Variants in ST8SIA6 observed in about 807,000 individuals in gnomAD.
ST8SIA6 encodes the protein alpha-2,8-sialyltransferase 8F.
In ST8SIA6, 39 loss-of-function variants were observed where a neutral mutation model predicts 33.6. That is an observed-to-expected ratio of 1.16 (90% CI 0.90 to 1.52). The LOEUF is 1.52. Ranked by LOEUF, ST8SIA6 falls within the 40% of genes most tolerant of loss-of-function variation. ST8SIA6 has a pLI of 0.00. For missense variants in ST8SIA6, 441 were observed against 443.8 expected, an observed-to-expected ratio of 0.99 and a Z score of 0.06; for synonymous variants, 172 against 167.2, an observed-to-expected ratio of 1.03 and a Z score of -0.22.
chr10:17,425,166 T>C (rs1053534291), intron 2 of ST8SIA6, among the ~76,000 whole-genome samples: 3 of 152,050 alleles, frequency 2.0e-5, no homozygotes, highest in Admixed American at 6.6e-5. Flanking sequence ...TATACGTATA[T>C]TTTATATATA....
rs898218561 is a variant in ST8SIA6, at chr10:17,316,585, T to G, written c.*4293A>C. ...ATGAATTTTACTAACTCAGTACTCCTAGGTTGCTTTCCAAAATGATTCAAT... is the reference window on the plus strand; with the variant it reads ...ATGAATTTTACTAACTCAGTACTCCGAGGTTGCTTTCCAAAATGATTCAAT... On this transcript the variant is annotated 3_prime_UTR_variant, in exon 8 of 8. Transcript: ENST00000377602. Among the ~76,000 whole-genome samples, 6 of 152,156 alleles carry G rather than the reference T, an allele frequency of 3.9e-5. No individual in the cohort carries two copies. Among genetic ancestry groups the G allele is most frequent in the African/African-American group, 1.4e-4 (6 of 41,468 alleles).
chr10:17,388,345 G>C (rs771639497), intron 3 of ST8SIA6, among the ~76,000 whole-genome samples: 2 of 152,084 alleles, frequency 1.3e-5, no homozygotes, highest in East Asian at 1.9e-4. Flanking sequence ...AGCAAATATC[G>C]TTAGTCTATT....
intron 5 of ST8SIA6, among the ~76,000 whole-genome samples, chr10:17,327,376 G>A (rs190101655): frequency 1.9e-4 from 29 of 152,092 alleles, no homozygotes; most frequent in Non-Finnish European, 3.4e-4. Flanking sequence ...CACAAGGTCA[G>A]GAGTTCAACA....
intron 2 of ST8SIA6, among the ~76,000 whole-genome samples, chr10:17,422,887 C>T (rs751090778): frequency 3.9e-5 from 6 of 151,986 alleles, no homozygotes; most frequent in Non-Finnish European, 8.8e-5. Context: ...GATAGAGAAG[C>T]GAATGATAGA....
Position 17,316,653 on chromosome 10 carries a change from T to G in ST8SIA6, c.*4225A>C, listed in dbSNP as rs1356506561. Among the ~76,000 whole-genome samples, 1 of 152,184 alleles carries G rather than the reference T, an allele frequency of 6.6e-6. No homozygotes were observed. Among genetic ancestry groups the G allele is most frequent in the Non-Finnish European group, 1.5e-5 (1 of 67,994 alleles). ...CTTGAAGTTAATGACCTTACTCATT[T>G]TTACCAATGCAATGGATGTAGTATC... On this transcript the variant is annotated 3_prime_UTR_variant, in exon 8 of 8. Transcript: ENST00000377602.
chr10:17,449,013 C>T (rs961968735), intron 2 of ST8SIA6, among the ~76,000 whole-genome samples: 4 of 150,976 alleles, frequency 2.6e-5, no homozygotes, highest in Admixed American at 6.6e-5. Flanking sequence ...AAGTCTTCAC[C>T]TAAATGACTC....
intron 2 of ST8SIA6, among the ~76,000 whole-genome samples, chr10:17,402,133 C>A (rs1290889123): frequency 6.6e-6 from 1 of 152,124 alleles, no homozygotes; most frequent in Non-Finnish European, 1.5e-5. Flanking sequence ...TGAACAGACA[C>A]TTCTCAAAAG....
At chr10:17,450,571 G>T (rs1175061953) in intron 2 of ST8SIA6, among the ~76,000 whole-genome samples, 1 of 152,122 alleles carries the variant, frequency 6.6e-6, no homozygotes, top group East Asian at 1.9e-4. Flanking sequence ...CTCCTGAGTA[G>T]CTGGGACTAC....
chr10:17,410,856 A>G (rs976847873), intron 2 of ST8SIA6, among the ~76,000 whole-genome samples: 1 of 152,220 alleles, frequency 6.6e-6, no homozygotes, highest in Non-Finnish European at 1.5e-5. Flanking sequence ...ATTTTACCAT[A>G]TTTAAAATGA....
chr10:17,389,230 G>A (rs1554795329), intron 3 of ST8SIA6, among the ~76,000 whole-genome samples: 4 of 152,138 alleles, frequency 2.6e-5, no homozygotes, highest in Non-Finnish European at 5.9e-5. Flanking sequence ...ACTGATTTGA[G>A]TAATAAAACT....
chr10:17,365,665 G>A (rs1443034842), intron 3 of ST8SIA6, among the ~76,000 whole-genome samples: 1 of 152,178 alleles, frequency 6.6e-6, no homozygotes, highest in Non-Finnish European at 1.5e-5. Context: ...TATACATAGG[G>A]TTCTGCATTA....
intron 3 of ST8SIA6, among the ~76,000 whole-genome samples, chr10:17,377,805 G>A (rs1398493100): frequency 6.6e-6 from 1 of 152,146 alleles, no homozygotes; most frequent in Non-Finnish European, 1.5e-5. Flanking sequence ...GACAAAAATA[G>A]GGCCAGATAA....
In ST8SIA6 at chr10:17,327,395, G is replaced by A. The variant is rs554009138; in HGVS notation, c.523-269C>T. ...AGGTCAGGAGTTCAACACCAGCCTG[G>A]CCAAGATGGTGAAACCCCGTCTCTG... is the stretch of plus-strand genomic sequence containing the variant. On this transcript the variant is annotated intron_variant, in intron 5 of 7. Transcript: ENST00000377602. 2.0e-5 allele frequency among the ~76,000 whole-genome samples: 3 copies of A among 152,076 alleles called. No homozygotes were observed. The South Asian group carries it at 6.2e-4, about 32-fold the overall frequency.
rs1407331179 is a variant in ST8SIA6, at chr10:17,454,440, GAGA to G, written c.-188_-186del. ...CCCGGCAGAGTCTCCGCGGCGGGCG[GAGA>G]AGAAGCCGCGTTCGGGCTCGCCCCG... On this transcript the variant is annotated 5_prime_UTR_variant, in exon 1 of 8. Coordinates refer to ENST00000377602, the MANE Select transcript of ST8SIA6 (RefSeq NM_001004470.3). This position sits in a 1 kb window ranked among gnomAD's most constrained non-coding sequence, Gnocchi z 4.1. The G allele has an allele frequency of 1.9e-5, 3 of 156,872 alleles. No homozygotes were observed. The highest frequency in any genetic ancestry group is 1.9e-4 in the East Asian group (1 of 5,336). The allele number at this position is 156,872 out of a possible 1,614,324, so 9.7% of individuals were successfully genotyped here.
intron 6 of ST8SIA6, 42 bp from the exon 7 acceptor site, chr10:17,323,199 AG>A: frequency 1.3e-6 from 2 of 1,548,638 alleles, no homozygotes; most frequent in Non-Finnish European, 1.8e-6. Context: ...TAGAACTTGT[AG>A]AAAAAAGATT....
intron 4 of ST8SIA6, among the ~76,000 whole-genome samples, chr10:17,339,373 C>A (rs1564408710): frequency 1.3e-5 from 2 of 152,096 alleles, no homozygotes; most frequent in African/African-American, 4.8e-5. Flanking sequence ...TGAAAAAGTT[C>A]CCATAAGGTA....
At chr10:17,401,159 A>G (rs978987501) in intron 2 of ST8SIA6, among the ~76,000 whole-genome samples, 3 of 152,174 alleles carry the variant, frequency 2.0e-5, no homozygotes, top group African/African-American at 7.2e-5. Flanking sequence ...GAGCCAAATC[A>G]TGAGTGAACT....
intron 2 of ST8SIA6, among the ~76,000 whole-genome samples, chr10:17,441,727 A>C (rs1852501293): frequency 6.6e-6 from 1 of 152,208 alleles, no homozygotes; most frequent in African/African-American, 2.4e-5. Flanking sequence ...TAATTAATTT[A>C]ATTAAGTTTC....
At chr10:17,326,755 C>T (rs970498301) in intron 6 of ST8SIA6, among the ~76,000 whole-genome samples, 1 of 152,218 alleles carries the variant, frequency 6.6e-6, no homozygotes, top group Admixed American at 6.5e-5. Context: ...AGGTCCTGCA[C>T]TACCAAACCC....
Sources: allele counts gnomAD v4.1 joint callset (sites outside exome capture counted in the v4.1 genomes callset), GRCh38; gene constraint gnomAD v4.1.1; non-coding constraint Gnocchi (gnomAD v3.1); transcripts MANE v1.5; gene names NCBI Gene and HGNC (gene_info 2026-07-23, HGNC 2026-07-21).